Variants in CDC42BPB observed in about 807,000 individuals in gnomAD.
CDC42BPB encodes serine/threonine-protein kinase MRCK beta.
CDC42BPB carries 37 observed loss-of-function variants against 214.9 expected under a neutral mutation model. The observed-to-expected ratio is 0.17, with a 90% CI of 0.13 to 0.23. The LOEUF (loss-of-function observed/expected upper bound fraction) is 0.23, where lower values mean the gene tolerates loss of function less well. Among genes scored for constraint, CDC42BPB ranks in the 10% least tolerant of loss-of-function variants. The pLI, the probability that CDC42BPB is intolerant of heterozygous loss-of-function variation, is 1.00. For synonymous variants in CDC42BPB, 931 were observed against 884.0 expected (o/e 1.05, Z -0.94); for missense variants, 1,694 against 2,227.0 (o/e 0.76, Z 4.82).
intron 1 of CDC42BPB, among the ~76,000 whole-genome samples, chr14:103,030,340 T>C (rs763380854): frequency 1.9e-3 from 292 of 152,376 alleles, no homozygotes; most frequent in African/African-American, 6.9e-3. Context: ...TTGAGGAGCA[T>C]AGTTTGGATA....
In CDC42BPB at chr14:103,057,028, T is replaced by C; in HGVS notation, c.146A>G (p.Asp49Gly). Residue 49 changes from aspartate (D) to glycine (G), a missense_variant, in exon 1 of 37, where the codon GAC becomes GGC. Physicochemically the swap from Asp to Gly is moderately conservative, Grantham distance 94. Coordinates refer to ENST00000361246, the MANE Select transcript of CDC42BPB (RefSeq NM_006035.4). The part of the protein sequence containing the change: ...TECSHSALRR[D>G]KYVAEFLEWA... Reference sequence around the variant, plus strand: ...CTCGAGGAACTCGGCCACGTACTTGTCGCGGCGCAGGGCCGAGTGGCTGCA... The same window carrying C: ...CTCGAGGAACTCGGCCACGTACTTGCCGCGGCGCAGGGCCGAGTGGCTGCA... 5 of 1,499,922 alleles carry C rather than the reference T, an allele frequency of 3.3e-6. No individual in the cohort carries two copies. The highest frequency in any genetic ancestry group is 3.5e-6 in the Non-Finnish European group (4 of 1,128,020). 92.9% of individuals were successfully genotyped at this position (1,499,922 alleles called of 1,614,324 possible). A position where few individuals can be genotyped will look rare whatever the true frequency, so the allele number is the denominator to read the frequency against.
rs748549609 is a variant in CDC42BPB, at chr14:102,945,718, T to C, written c.3755A>G (p.Asp1252Gly). 2.3e-5 allele frequency: 37 copies of C among 1,612,714 alleles called. No homozygotes were observed. Among genetic ancestry groups the C allele is most frequent in the Middle Eastern group, 1.6e-4 (1 of 6,082 alleles). ...AILTAAIVDADRIAVGLEEGL... is the reference protein window; with the variant it reads ...AILTAAIVDAGRIAVGLEEGL... ...TTCTTCTAGGCCGACTGCAATCCTG[T>C]CTGCATCTGTGGAGGGGTAAGTAAC... The change falls in exon 29 of 37, where the codon GAC becomes GGC. Residue 1252 changes from aspartate to glycine, a missense_variant. Transcript: ENST00000361246.
intron 6 of CDC42BPB, among the ~76,000 whole-genome samples, chr14:102,985,805 C>T (rs1595495773): frequency 2.0e-5 from 3 of 152,370 alleles, no homozygotes; most frequent in African/African-American, 7.2e-5. Flanking sequence ...GCCACAGACG[C>T]AGTGAAAGCA....
At chr14:103,019,691 C>A (rs751293860) in intron 1 of CDC42BPB, among the ~76,000 whole-genome samples, 2 of 152,168 alleles carry the variant, frequency 1.3e-5, no homozygotes, top group Non-Finnish European at 2.9e-5. Flanking sequence ...ATCCAAAAGG[C>A]TGAATAAAGC....
intron 5 of CDC42BPB, among the ~76,000 whole-genome samples, chr14:102,988,411 A>G (rs1894346592): frequency 6.6e-6 from 1 of 152,224 alleles, no homozygotes; most frequent in African/African-American, 2.4e-5. Flanking sequence ...GATTAAAAAA[A>G]AGAAAATATC....
chr14:102,948,639 TG>T (rs1208869178), intron 26 of CDC42BPB, among the ~76,000 whole-genome samples: 1 of 26,270 alleles, frequency 3.8e-5, no homozygotes, highest in Admixed American at 5.0e-4. Context: ...AGAGGGGGAG[TG>T]GGGGGTGGGT....
chr14:102,966,250 T>G, intron 18 of CDC42BPB, 32 bp downstream of exon 18: 1 of 1,449,932 alleles, frequency 6.9e-7, no homozygotes, highest in South Asian at 1.1e-5. Flanking sequence ...AATTATTCAG[T>G]AATAGAAATG....
chr14:102,957,814 C>A (rs1399493249), intron 21 of CDC42BPB, among the ~76,000 whole-genome samples: 1 of 152,228 alleles, frequency 6.6e-6, no homozygotes, highest in Non-Finnish European at 1.5e-5. Context: ...CCCCTACTCA[C>A]ACAGGCAGCA....
At chr14:102,940,584 AAGGTGACTTTT>A in intron 30 of CDC42BPB, 1 of 928,938 alleles carries the variant, frequency 1.1e-6, no homozygotes, top group African/African-American at 1.7e-5. Context: ...ACAGATGTTG[AAGGTGACTTTT>A]AAAAAGTCTG....
Position 102,946,650 on chromosome 14 carries a change from G to A in CDC42BPB, c.3566C>T (p.Thr1189Ile). Residue 1189 changes from threonine (T) to isoleucine (I), a missense_variant, in exon 28 of 37, where the codon ACC becomes ATC. This residue lies in a region of CDC42BPB where 567 missense variants were observed against 790.3 expected (regional missense o/e 0.72). Transcript: ENST00000361246. ...TTCTGTCAGAATGAGCAGCGAGCTG[G>A]TCTTAGAAGGTGCACCTAAGAGAGA... ...TASLLGAPSKTSSLLILTENE... is the reference protein window; with the variant it reads ...TASLLGAPSKISSLLILTENE... The A allele has an allele frequency of 6.2e-7, 1 of 1,612,756 alleles. No individual in the cohort carries two copies. The highest frequency in any genetic ancestry group is 8.5e-7 in the Non-Finnish European group (1 of 1,179,942).
In CDC42BPB at chr14:103,020,339, G is replaced by C. The variant is rs980438163; in HGVS notation, c.176-8151C>G. On this transcript the variant is annotated intron_variant, in intron 1 of 36. Transcript: ENST00000361246. ...AGTCGTCAACTCCACCCACAGCGTG[G>C]TTCTCTCCTGAGGTCCTCTCCTTGT... 7.9e-5 allele frequency among the ~76,000 whole-genome samples: 12 copies of C among 152,282 alleles called. No homozygotes were observed. The Middle Eastern group carries it at 0.014, about 173-fold the overall frequency.
At chr14:102,937,603 A>C (rs917874975) in intron 36 of CDC42BPB, among the ~76,000 whole-genome samples, 1 of 152,010 alleles carries the variant, frequency 6.6e-6, no homozygotes, top group Non-Finnish European at 1.5e-5. Context: ...CTGCATTCTC[A>C]TCCCCATTCC....
chr14:103,006,520 T>A (rs546290863), intron 3 of CDC42BPB, among the ~76,000 whole-genome samples: 1 of 152,380 alleles, frequency 6.6e-6, no homozygotes, highest in African/African-American at 2.4e-5. Context: ...ACTTTTAGTA[T>A]TTTTTAACCA....
chr14:103,011,150 AAGGCCGAGGC>A (rs1037898486), intron 2 of CDC42BPB, among the ~76,000 whole-genome samples: 40 of 152,350 alleles, frequency 2.6e-4, no homozygotes, highest in African/African-American at 9.6e-4. Context: ...ACTGTTCTGC[AAGGCCGAGGC>A]AGGTCTGTGG....
intron 6 of CDC42BPB, 175 bp from the exon 7 acceptor site, chr14:102,983,931 T>A (rs1033496250): frequency 6.8e-5 from 67 of 982,022 alleles, no homozygotes; most frequent in Non-Finnish European, 7.6e-5. Context: ...GCCTCGAGCC[T>A]GTAGCCTCAG....
intron 8 of CDC42BPB, 65 bp from the exon 9 acceptor site, chr14:102,978,270 G>T (rs1207642454): frequency 2.5e-6 from 4 of 1,600,582 alleles, no homozygotes; most frequent in Non-Finnish European, 2.6e-6. Flanking sequence ...AAAGAGGAAA[G>T]ATGGTTACAG....
intron 1 of CDC42BPB, among the ~76,000 whole-genome samples, chr14:103,049,464 T>C (rs35504608): frequency 0.24 from 36,317 of 152,210 alleles, 5,441 homozygotes; most frequent in Non-Finnish European, 0.33. Flanking sequence ...TGTCACTTTG[T>C]TCTCCATTAC....
intron 1 of CDC42BPB, among the ~76,000 whole-genome samples, chr14:103,039,292 C>CAAAAAAAAAAA (rs202028122): frequency 8.5e-5 from 6 of 70,600 alleles, no homozygotes; most frequent in African/African-American, 2.6e-4. Context: ...GATACCAAAC[C>CAAAAAAAAAAA]AAAAAAAAAA....
intron 26 of CDC42BPB, among the ~76,000 whole-genome samples, chr14:102,949,404 G>A (rs966126957): frequency 3.9e-5 from 6 of 152,044 alleles, no homozygotes; most frequent in East Asian, 3.9e-4. Flanking sequence ...TCTCTAAAAC[G>A]CACAGACGGC....
Sources: gnomAD v4.1 joint callset for allele counts (sites outside exome capture counted in the v4.1 genomes callset) on GRCh38, gnomAD v4.1.1 for gene constraint, gnomAD v4.1.1 regional missense constraint, MANE v1.5 for transcripts, NCBI Gene and HGNC (gene_info 2026-07-23, HGNC 2026-07-21) for gene names.